The following ANKRD36 variants were observed in gnomAD, a reference collection of about 807,000 sequenced individuals.
ANKRD36 encodes ankyrin repeat domain-containing protein 36A.
ANKRD36 carries 179 observed loss-of-function variants against 278.1 expected under a neutral mutation model. The ratio of observed to expected loss-of-function variants is 0.64; its 90% CI spans 0.57 to 0.73. ANKRD36 has a LOEUF of 0.73. ANKRD36 is among the 30% of genes least tolerant of loss of function. The pLI, the probability that ANKRD36 is intolerant of heterozygous loss-of-function variation, is 0.00. For missense variants in ANKRD36, 1,159 were observed against 1,956.7 expected, an observed-to-expected ratio of 0.59 and a Z score of 7.69; for synonymous variants, 320 against 641.1, an observed-to-expected ratio of 0.50 and a Z score of 7.57.
At chr2:97,163,421 G>C in intron 18 of ANKRD36, 1 of 374,472 alleles carries the variant, frequency 2.7e-6, no homozygotes, top group Non-Finnish European at 5.2e-6. Context: ...TGAAAAGATG[G>C]CAAGAGAACT....
intron 6 of ANKRD36, among the ~76,000 whole-genome samples, chr2:97,128,137 C>G (rs2039106576): frequency 1.3e-5 from 2 of 151,200 alleles, no homozygotes; most frequent in Non-Finnish European, 3.0e-5. Context: ...AGCTGGTCAA[C>G]AGGGAAGAAT....
chr2:97,232,189 TTAAAGA>T lies in ANKRD36; in HGVS notation c.3952-1535_3952-1530del, dbSNP rs1416603217. Among the ~76,000 whole-genome samples the T allele has an allele frequency of 2.0e-5, 3 of 151,976 alleles. No homozygotes were observed. In the East Asian group the frequency reaches 5.9e-4, roughly 30 times the overall value. The stretch of plus-strand genomic sequence containing the variant: ...TTTTTCTCTTTTTACACTTGATTAT[TTAAAGA>T]TAAAGTTATTTTTAAAACATGTACT... On this transcript the variant is annotated intron_variant, in intron 67 of 75. Transcript: ENST00000420699.
chr2:97,181,191 A>T (rs2056100767), intron 24 of ANKRD36, among the ~76,000 whole-genome samples: 1 of 151,668 alleles, frequency 6.6e-6, no homozygotes, highest in South Asian at 2.1e-4. Flanking sequence ...GGCATGATGA[A>T]TGTTTGAAGT....
chr2:97,165,341 T>C (rs1233195238), intron 20 of ANKRD36, among the ~76,000 whole-genome samples: 1 of 152,050 alleles, frequency 6.6e-6, no homozygotes, highest in African/African-American at 2.4e-5. Flanking sequence ...CATATTTGAT[T>C]TGTTTTATGA....
intron 13 of ANKRD36, 26 bp downstream of exon 13, chr2:97,151,965 G>A: frequency 2.8e-6 from 4 of 1,410,854 alleles, no homozygotes; most frequent in East Asian, 2.5e-5. Context: ...GCTGCCTATT[G>A]TAGTATTTAC....
chr2:97,217,395 AT>A (rs1458018967), intron 64 of ANKRD36, 23 bp downstream of exon 64: 1 of 1,549,492 alleles, frequency 6.5e-7, no homozygotes, highest in African/African-American at 1.4e-5. Flanking sequence ...TATACATTTA[AT>A]GTCATGTGCA....
At chr2:97,158,206 A>T (rs765621049) in intron 16 of ANKRD36, 39 bp downstream of exon 16, 9 of 1,396,830 alleles carry the variant, frequency 6.4e-6, no homozygotes. Context: ...TTATCTACTG[A>T]ATCTTTTTTT....
Position 97,196,634 on chromosome 2 carries a change from C to G in ANKRD36, c.2580+13C>G, listed in dbSNP as rs753425854. 1 of 1,603,974 alleles carries G rather than the reference C, an allele frequency of 6.2e-7. No individual in the cohort carries two copies. Among genetic ancestry groups the G allele is most frequent in the South Asian group, 1.1e-5 (1 of 90,434 alleles). On this transcript the variant is annotated intron_variant, in intron 41 of 75. Transcript: ENST00000420699. ...ACCAACCTTGAAGGTAATGAAACTC[C>G]CATTTATCATGTGAACGAGTTAATG...
chr2:97,215,967 G>T (rs1314641479), intron 62 of ANKRD36: 1 of 299,120 alleles, frequency 3.3e-6, no homozygotes, highest in Non-Finnish European at 5.9e-6. Context: ...GGATTGTGAG[G>T]CAGGAAGGAG....
Position 97,204,190 on chromosome 2 carries a change from G to A in ANKRD36, c.2989-1G>A. On this transcript the variant is annotated splice_acceptor_variant, in intron 49 of 75. Coordinates refer to ENST00000420699, the MANE Select transcript of ANKRD36 (RefSeq NM_001354587.1). LOFTEE classifies it high-confidence loss of function. Reference sequence around the variant, plus strand: ...ATTATTTCATTTCAAATTCCATTCAGGCTACAAGTGATGAGAAAGATTCTG... The same window carrying A: ...ATTATTTCATTTCAAATTCCATTCAAGCTACAAGTGATGAGAAAGATTCTG... 6.3e-7 allele frequency: 1 copy of A among 1,584,134 alleles called. No homozygotes were observed. Among genetic ancestry groups the A allele is most frequent in the Non-Finnish European group, 8.6e-7 (1 of 1,167,446 alleles).
At chr2:97,146,282 T>TG (rs900647911) in intron 10 of ANKRD36, among the ~76,000 whole-genome samples, 5 of 151,488 alleles carry the variant, frequency 3.3e-5, no homozygotes, top group Admixed American at 2.0e-4. Flanking sequence ...GATTTTTTTT[T>TG]TTTTAACTTT....
intron 2 of ANKRD36, 68 bp from the exon 3 acceptor site, chr2:97,118,276 A>G (rs1373466659): frequency 6.2e-7 from 1 of 1,608,846 alleles, no homozygotes; most frequent in Non-Finnish European, 8.5e-7. Flanking sequence ...TATAACTAGT[A>G]GGAAATCCTA....
At position 97,187,329 on chromosome 2, in the gene ANKRD36, G is replaced by A. The variant is rs553436699; in HGVS notation, c.2071G>A (p.Ala691Thr). 5.6e-4 allele frequency: 896 copies of A among 1,606,604 alleles called. 2 individuals are homozygous for A. Among genetic ancestry groups the A allele is most frequent in the Non-Finnish European group, 7.1e-4 (838 of 1,176,860 alleles). Residue 691 changes from alanine (A) to threonine (T), a missense_variant and splice_region_variant, in exon 32 of 76, where the codon GCT (alanine) becomes ACT (threonine). Ala to Thr is a moderately conservative substitution (Grantham distance 58). Coordinates refer to ENST00000420699, the MANE Select transcript of ANKRD36 (RefSeq NM_001354587.1). ...TTATTTTCTTTCAAATTCCATTCAGGCTACAACTGACGAGGAAGACTCTGT... is the reference window on the plus strand; with the variant it reads ...TTATTTTCTTTCAAATTCCATTCAGACTACAACTGACGAGGAAGACTCTGT... ...VSSQKQPALK[A>T]TTDEEDSVSN... is the part of the protein sequence containing the mutation.
At chr2:97,166,883 TTTA>T (rs1021559064) in intron 20 of ANKRD36, among the ~76,000 whole-genome samples, 5 of 93,476 alleles carry the variant, frequency 5.3e-5, no homozygotes, top group African/African-American at 1.3e-4. Flanking sequence ...ATTTATTTAT[TTTA>T]TTATTATACT....
In ANKRD36 at chr2:97,131,521, A is replaced by G. The variant is rs1368550430; in HGVS notation, c.799+4387A>G. 3.3e-5 allele frequency among the ~76,000 whole-genome samples: 5 copies of G among 152,098 alleles called. 1 individual carries two copies. In the East Asian group the frequency reaches 9.7e-4, roughly 29 times the overall value. ...TCTATAACTTCCTTTATTCCCCAAA[A>G]TGAGTTTAAAGTCCTATTGGCCCTT... On this transcript the variant is annotated intron_variant, in intron 6 of 75. Coordinates refer to ENST00000420699, the MANE Select transcript of ANKRD36 (RefSeq NM_001354587.1).
At chr2:97,174,906 C>T (rs1417165263) in intron 22 of ANKRD36, among the ~76,000 whole-genome samples, 1 of 148,846 alleles carries the variant, frequency 6.7e-6, no homozygotes, top group Non-Finnish European at 1.5e-5. Context: ...GTCTTTGGCT[C>T]TGTTTATATG....
intron 22 of ANKRD36, among the ~76,000 whole-genome samples, chr2:97,170,252 T>A (rs1160399171): frequency 3.3e-5 from 5 of 151,738 alleles, no homozygotes; most frequent in African/African-American, 1.2e-4. Context: ...GACCCCTTCC[T>A]TACACCTTAT....
At chr2:97,140,362 A>G (rs2042580930) in intron 6 of ANKRD36, among the ~76,000 whole-genome samples, 1 of 152,028 alleles carries the variant, frequency 6.6e-6, no homozygotes, top group East Asian at 1.9e-4. Context: ...GAAGGCATAG[A>G]CATAGTGGTT....
Position 97,129,298 on chromosome 2 carries a change from G to A in ANKRD36, c.799+2164G>A, listed in dbSNP as rs559638992. Among the ~76,000 whole-genome samples, 10 of 152,046 alleles carry A rather than the reference G, an allele frequency of 6.6e-5. No individual in the cohort carries two copies. The East Asian group carries it at 7.7e-4, about 12-fold the overall frequency. On this transcript the variant is annotated intron_variant, in intron 6 of 75. Transcript: ENST00000420699. ...AGAGAAGTGTCTGTTCATATCCTTC[G>A]CCCACTTTTTGATGGGGTTGTTTGT...
Sources: gnomAD v4.1 joint callset for allele counts (sites outside exome capture counted in the v4.1 genomes callset) on GRCh38, gnomAD v4.1.1 for gene constraint, MANE v1.5 for transcripts, NCBI Gene and HGNC (gene_info 2026-07-23, HGNC 2026-07-21) for gene names.